DHRS7: variants seen among roughly 807,000 people sequenced by gnomAD.
The protein encoded by DHRS7 is dehydrogenase/reductase 7, also known as dehydrogenase/reductase SDR family member 7.
DHRS7 carries 34 observed loss-of-function variants against 38.9 expected under a neutral mutation model. That is an observed-to-expected ratio of 0.87 (90% confidence interval 0.66 to 1.16). The LOEUF (loss-of-function observed/expected upper bound fraction) is 1.16. Ranked by LOEUF, DHRS7 falls within the 50% of genes most tolerant of loss-of-function variation. The pLI is 0.00. For missense variants in DHRS7, 421 were observed against 407.0 expected (o/e 1.03, Z -0.30); for synonymous variants, 158 against 153.1 (o/e 1.03, Z -0.24).
At chr14:60,167,675 A>G (rs1046173321), upstream of DHRS7, among the ~76,000 whole-genome samples, 1 of 152,246 alleles carries the variant, frequency 6.6e-6, no homozygotes, top group Non-Finnish European at 1.5e-5. Flanking sequence ...CGGGGGAAAA[A>G]AAGAGTGAGT....
intron 2 of DHRS7, among the ~76,000 whole-genome samples, chr14:60,155,273 A>G (rs1206105927): frequency 6.6e-6 from 1 of 151,950 alleles, no homozygotes; most frequent in Non-Finnish European, 1.5e-5. Flanking sequence ...ACATGGTGAA[A>G]CCCCGTCTCC....
At chr14:60,160,566 C>T (rs973153903) in intron 1 of DHRS7, among the ~76,000 whole-genome samples, 3 of 150,738 alleles carry the variant, frequency 2.0e-5, no homozygotes, top group Non-Finnish European at 4.4e-5. Context: ...AGATTAAGCT[C>T]GACTAACCTG....
chr14:60,155,348 C>T (rs1280701202), intron 2 of DHRS7, among the ~76,000 whole-genome samples: 2 of 152,056 alleles, frequency 1.3e-5, no homozygotes, highest in Non-Finnish European at 2.9e-5. Flanking sequence ...ACTCAGGAGG[C>T]TGAGGTACAA....
In DHRS7 at chr14:60,146,830, C is replaced by CTA. The variant is rs926483487; in HGVS notation, c.973-1819_973-1818dup. ...TAAGCAAGATACAGAAAAACAAGTA[C>CTA]TATGTGATTTCACTTCTGTGGAATC... On this transcript the variant is annotated intron_variant, in intron 6 of 6. Transcript: ENST00000557185. This position sits in a 1 kb window ranked among gnomAD's most constrained non-coding sequence, Gnocchi z 4.9. 9.9e-5 allele frequency: 15 copies of CTA among 152,080 alleles called. No individual in the cohort carries two copies. The allele number at this position is 152,080 out of a possible 1,614,324, so 9.4% of individuals were successfully genotyped here.
rs1033848215 is a variant in DHRS7 at position 60,160,438 on chromosome 14, A to G, written c.134-4286T>C. 9.9e-5 allele frequency among the ~76,000 whole-genome samples: 15 copies of G among 151,984 alleles called. 1 individual carries two copies. The highest frequency in any genetic ancestry group is 6.6e-4 in the Admixed American group (10 of 15,266). On this transcript the variant is annotated intron_variant, in intron 1 of 6. Transcript: ENST00000557185. ...TTTAAAATAGAAAAGCTTAAGGGAAAATAGAAATAGGATGGAAAAGTACTT... is the reference window on the plus strand; with the variant it reads ...TTTAAAATAGAAAAGCTTAAGGGAAGATAGAAATAGGATGGAAAAGTACTT...
At chr14:60,168,599 G>C (rs1206514160), upstream of DHRS7, 5 of 1,420,366 alleles carry the variant, frequency 3.5e-6, no homozygotes, top group Non-Finnish European at 2.8e-6. Flanking sequence ...AAAAAAATTA[G>C]GTTAAATTTC....
chr14:60,169,063 A>G (rs141125963), upstream of DHRS7: 3,431 of 186,644 alleles, frequency 0.018, 64 homozygotes, highest in Middle Eastern at 0.029. Context: ...TGATGGTGTC[A>G]CTGCACTCCA....
intron 6 of DHRS7, 116 bp downstream of exon 6, chr14:60,149,236 TG>T: frequency 1.1e-6 from 1 of 943,672 alleles, no homozygotes; most frequent in Non-Finnish European, 1.7e-6. Context: ...CCCAAAGTGC[TG>T]GGATTACAGA....
chr14:60,165,321 A>G lies in DHRS7; in HGVS notation c.-12T>C, dbSNP rs747311040. 30 of 1,571,416 alleles carry G rather than the reference A, an allele frequency of 1.9e-5. No homozygotes were observed. In the East Asian group the frequency reaches 5.8e-4, roughly 30 times the overall value. On this transcript the variant is annotated 5_prime_UTR_variant, in exon 1 of 7. Transcript: ENST00000557185. The surrounding 1 kb of genome is among the most constrained non-coding windows in gnomAD (Gnocchi z 4.6). ...AGCTCCCAGTTCATTGCGGCCGCGCACGCCCAGCTCGGGGGGAAGAAGACG... is the reference window on the plus strand; with the variant it reads ...AGCTCCCAGTTCATTGCGGCCGCGCGCGCCCAGCTCGGGGGGAAGAAGACG...
rs979181990 is a variant in DHRS7 at position 60,145,505 on chromosome 14, C to T, written c.973-492G>A. On this transcript the variant is annotated intron_variant, in intron 6 of 6. Transcript: ENST00000557185. This position sits in a 1 kb window ranked among gnomAD's most constrained non-coding sequence, Gnocchi z 4.0. Reference sequence around the variant, plus strand: ...AGAGACCAGCCTGGCAAAACCCCATCTCTACTAAAAATACAAAAATTAGCT... The same window carrying T: ...AGAGACCAGCCTGGCAAAACCCCATTTCTACTAAAAATACAAAAATTAGCT... The T allele has an allele frequency of 6.6e-6, 1 of 152,282 alleles. No homozygotes were observed. The highest frequency in any genetic ancestry group is 1.5e-5 in the Non-Finnish European group (1 of 68,178). The allele number at this position is 152,282 out of a possible 1,614,324, so 9.4% of individuals were successfully genotyped here.
At position 60,165,161 on chromosome 14, in the gene DHRS7, T is replaced by A. The variant is rs750246904; in HGVS notation, c.133+16A>T. 6.2e-7 allele frequency: 1 copy of A among 1,611,314 alleles called. No individual in the cohort carries two copies. Among genetic ancestry groups the A allele is most frequent in the Admixed American group, 1.7e-5 (1 of 59,908 alleles). On this transcript the variant is annotated intron_variant, in intron 1 of 6. Transcript: ENST00000557185. The surrounding 1 kb of genome is among the most constrained non-coding windows in gnomAD (Gnocchi z 4.6). The stretch of plus-strand genomic sequence containing the variant: ...GCCCGGCCTCCCACTCGGGAGAGGC[T>A]TTGGCCGGTCCTCACCTGGGCGTCG...
At chr14:60,152,675 T>C (rs1896569992) in intron 4 of DHRS7, 1 of 471,024 alleles carries the variant, frequency 2.1e-6, no homozygotes, top group Admixed American at 3.6e-5. Context: ...GACCACATCT[T>C]ATTATCTTTA....
upstream of DHRS7, chr14:60,166,183 G>C (rs1184760338): frequency 2.9e-5 from 28 of 966,808 alleles, no homozygotes; most frequent in African/African-American, 3.5e-5. Flanking sequence ...ACATTTAATT[G>C]CTTCCCACTA....
At chr14:60,150,229 T>C in intron 4 of DHRS7, 42 bp from the exon 5 acceptor site, 1 of 1,431,936 alleles carries the variant, frequency 7.0e-7, no homozygotes, top group East Asian at 2.5e-5. Context: ...GGCAAATAAA[T>C]ACAGACACAT....
In DHRS7 at chr14:60,162,379, A is replaced by T. The variant is rs902192970; in HGVS notation, c.133+2798T>A. Among the ~76,000 whole-genome samples, 2 of 138,304 alleles carry T rather than the reference A, an allele frequency of 1.4e-5. No individual in the cohort carries two copies. The highest frequency in any genetic ancestry group is 2.0e-4 in the East Asian group (1 of 4,914). 90.7% of individuals were successfully genotyped at this position (138,304 alleles called of 152,430 possible). ...CAAAGCAAGACCTTGTCTCTCTATT[A>T]AAAAAAAAAAAAAATCACCATGTGA... On this transcript the variant is annotated intron_variant, in intron 1 of 6. Coordinates refer to ENST00000557185, the MANE Select transcript of DHRS7 (RefSeq NM_016029.4). This position sits in a 1 kb window ranked among gnomAD's most constrained non-coding sequence, Gnocchi z 4.5.
At chr14:60,158,734 A>G (rs1186785035) in intron 1 of DHRS7, among the ~76,000 whole-genome samples, 2 of 151,978 alleles carry the variant, frequency 1.3e-5, no homozygotes, top group African/African-American at 4.8e-5. Context: ...TGATAGTTCA[A>G]CCCCCACTCC....
chr14:60,150,307 CTTA>C (rs1896516755), intron 4 of DHRS7, 120 bp from the exon 5 acceptor site: 3 of 897,502 alleles, frequency 3.3e-6, no homozygotes, highest in Non-Finnish European at 4.7e-6. Flanking sequence ...ATCATGCAAG[CTTA>C]TTAGGCACTT....
rs113394575 is a variant in DHRS7, at chr14:60,165,351, G to A, written c.-42C>T. 6.5e-7 allele frequency: 1 copy of A among 1,546,316 alleles called. No homozygotes were observed. Among genetic ancestry groups the A allele is most frequent in the East Asian group, 2.4e-5 (1 of 41,948 alleles). The stretch of plus-strand genomic sequence containing the variant: ...CAGCTCGGGGGGAAGAAGACGGCCC[G>A]CACCAGAGTCGCGTCGCTGCCCTGC... On this transcript the variant is annotated 5_prime_UTR_variant, in exon 1 of 7. Transcript: ENST00000557185. The surrounding 1 kb of genome is among the most constrained non-coding windows in gnomAD (Gnocchi z 4.6).
intron 2 of DHRS7, among the ~76,000 whole-genome samples, chr14:60,154,346 C>T (rs1387524304): frequency 6.6e-6 from 1 of 152,010 alleles, no homozygotes; most frequent in East Asian, 1.9e-4. Flanking sequence ...TAGAAAAGAG[C>T]AAATATTTTA....
Sources: allele counts gnomAD v4.1 joint callset (sites outside exome capture counted in the v4.1 genomes callset), GRCh38; gene constraint gnomAD v4.1.1; non-coding constraint Gnocchi (gnomAD v3.1); transcripts MANE v1.5; gene names NCBI Gene and HGNC (gene_info 2026-07-23, HGNC 2026-07-21).